The following HSD17B13 variants were observed in gnomAD, a reference collection of about 807,000 sequenced individuals.
HSD17B13 encodes the protein hydroxysteroid 17-beta dehydrogenase 13.
Under a neutral mutation model 31.1 loss-of-function variants are expected in HSD17B13, and 26 were observed. That is an observed-to-expected ratio of 0.84 (90% CI 0.61 to 1.16). HSD17B13 has a LOEUF of 1.16. Among genes scored for constraint, HSD17B13 ranks in the 50% most tolerant of loss-of-function variants. The pLI is 0.00. For missense variants in HSD17B13, 374 were observed against 366.5 expected, an observed-to-expected ratio of 1.02 and a Z score of -0.17; for synonymous variants, 141 against 133.7, an observed-to-expected ratio of 1.05 and a Z score of -0.38.
intron 4 of HSD17B13, among the ~76,000 whole-genome samples, chr4:87,314,400 A>G (rs1734601053): frequency 6.6e-6 from 1 of 151,930 alleles, no homozygotes; most frequent in Admixed American, 6.6e-5. Context: ...CTCTCTCTCA[A>G]TAACTGAGTT....
At chr4:87,315,334 G>T (rs1421314340) in intron 4 of HSD17B13, among the ~76,000 whole-genome samples, 159 bp downstream of exon 4, 1 of 152,186 alleles carries the variant, frequency 6.6e-6, no homozygotes, top group East Asian at 1.9e-4. Context: ...ATAAATCTCT[G>T]CTTTTGTTGC....
chr4:87,310,748 T>C (rs115775510), intron 5 of HSD17B13, among the ~76,000 whole-genome samples: 2 of 152,350 alleles, frequency 1.3e-5, no homozygotes, highest in Non-Finnish European at 2.9e-5. Flanking sequence ...TATAGCTAAG[T>C]ATACTTTCTT....
intron 5 of HSD17B13, 123 bp from the exon 6 acceptor site, chr4:87,310,482 A>G: frequency 8.7e-7 from 1 of 1,144,456 alleles, no homozygotes; most frequent in South Asian, 3.2e-5. Flanking sequence ...AAAATATTCC[A>G]GGATTTGCTG....
At chr4:87,308,550 A>G (rs1560746361) in intron 6 of HSD17B13, among the ~76,000 whole-genome samples, 1 of 133,160 alleles carries the variant, frequency 7.5e-6, no homozygotes, top group South Asian at 2.6e-4. Flanking sequence ...GCATGGTTGC[A>G]GGCGCCTGTA....
In HSD17B13 at chr4:87,310,133, C is replaced by T. The variant is rs555432570; in HGVS notation, c.812+110G>A. Reference sequence around the variant, plus strand: ...TGAGCCAAGATCATGCCACTGCAACCACCGCAATCCAGCCAGGGTGACAGA... The same window carrying T: ...TGAGCCAAGATCATGCCACTGCAACTACCGCAATCCAGCCAGGGTGACAGA... On this transcript the variant is annotated intron_variant, in intron 6 of 6. Coordinates refer to ENST00000328546, the MANE Select transcript of HSD17B13 (RefSeq NM_178135.5). 1.0e-5 allele frequency: 14 copies of T among 1,341,662 alleles called. No homozygotes were observed. In the South Asian group the frequency reaches 1.4e-4, roughly 13 times the overall value. The allele number at this position is 1,341,662 out of a possible 1,614,324, so 83.1% of individuals were successfully genotyped here.
intron 1 of HSD17B13, among the ~76,000 whole-genome samples, chr4:87,319,407 G>A (rs1734729951): frequency 6.6e-6 from 1 of 152,208 alleles, no homozygotes; most frequent in South Asian, 2.1e-4. Flanking sequence ...AAACCTTGAA[G>A]AACATTCTTG....
intron 5 of HSD17B13, among the ~76,000 whole-genome samples, chr4:87,312,344 C>T (rs1445993800): frequency 6.6e-6 from 1 of 152,120 alleles, no homozygotes; most frequent in Non-Finnish European, 1.5e-5. Context: ...GTCCCTGACT[C>T]TGTGACAATG....
intron 2 of HSD17B13, among the ~76,000 whole-genome samples, chr4:87,317,562 A>ATT (rs1560750190): frequency 1.6e-5 from 1 of 61,020 alleles, no homozygotes; most frequent in Non-Finnish European, 3.0e-5. Context: ...TTTTCTTTAA[A>ATT]CTTTTTTTTT....
chr4:87,321,326 C>T (rs1185117427), intron 1 of HSD17B13, among the ~76,000 whole-genome samples: 2 of 152,028 alleles, frequency 1.3e-5, no homozygotes, highest in Admixed American at 6.6e-5. Context: ...CCACTGCACC[C>T]GCCCTTAAGT....
Position 87,303,944 on chromosome 4 carries a change from C to T in HSD17B13, c.*1274G>A, listed in dbSNP as rs989837694. The stretch of plus-strand genomic sequence containing the variant: ...AGAGGATAGTCCATGCAAAAGCATT[C>T]TATAATACATGTGAAAAACACACAA... On this transcript the variant is annotated 3_prime_UTR_variant, in exon 7 of 7. Coordinates refer to ENST00000328546, the MANE Select transcript of HSD17B13 (RefSeq NM_178135.5). 2 of 151,498 alleles carry T rather than the reference C, an allele frequency of 1.3e-5. No individual in the cohort carries two copies. The highest frequency in any genetic ancestry group is 4.9e-5 in the African/African-American group (2 of 41,174). The allele number at this position is 151,498 out of a possible 1,614,324, so 9.4% of individuals were successfully genotyped here.
rs1287334969 is a variant in HSD17B13, at chr4:87,305,192, T to A, written c.*26A>T. On this transcript the variant is annotated 3_prime_UTR_variant, in exon 7 of 7. Coordinates refer to ENST00000328546, the MANE Select transcript of HSD17B13 (RefSeq NM_178135.5). ...AAACTATTCATATCATTATCATGCA[T>A]ACATCTCTGGCTGGAGCTTATTTAT... is the stretch of plus-strand genomic sequence containing the variant. 8 of 1,434,658 alleles carry A rather than the reference T, an allele frequency of 5.6e-6. No individual in the cohort carries two copies. The highest frequency in any genetic ancestry group is 6.8e-6 in the Non-Finnish European group (7 of 1,028,970). The allele number at this position is 1,434,658 out of a possible 1,614,324, so 88.9% of individuals were successfully genotyped here. A position where few individuals can be genotyped will look rare whatever the true frequency, so the allele number is the denominator to read the frequency against.
At chr4:87,312,520 T>C (rs1219787247) in intron 5 of HSD17B13, among the ~76,000 whole-genome samples, 1 of 9,618 alleles carries the variant, frequency 1.0e-4, no homozygotes, top group South Asian at 2.5e-3. Flanking sequence ...CTTTAATTCT[T>C]TTTTTTTTTT....
intron 6 of HSD17B13, among the ~76,000 whole-genome samples, chr4:87,307,593 A>G (rs1734420692): frequency 6.6e-6 from 1 of 152,082 alleles, no homozygotes; most frequent in East Asian, 1.9e-4. Context: ...GTTTACTGCA[A>G]TCTCCGCCTT....
chr4:87,315,670 T>G (rs957677214), intron 3 of HSD17B13, 71 bp from the exon 4 acceptor site: 5 of 912,866 alleles, frequency 5.5e-6, no homozygotes, highest in Non-Finnish European at 8.4e-6. Flanking sequence ...GTAGTTTTAT[T>G]TTTGTTAAGA....
chr4:87,310,799 C>T (rs753537650), intron 5 of HSD17B13, among the ~76,000 whole-genome samples: 4 of 152,078 alleles, frequency 2.6e-5, no homozygotes, highest in African/African-American at 4.8e-5. Context: ...GTTTTGAGGT[C>T]GTCATTTTGT....
chr4:87,319,623 AG>A (rs779459153), intron 1 of HSD17B13, among the ~76,000 whole-genome samples: 1 of 152,186 alleles, frequency 6.6e-6, no homozygotes, highest in Non-Finnish European at 1.5e-5. Context: ...TCCTCCTAGG[AG>A]GGAAGGGAAA....
At chr4:87,320,387 T>TTG (rs1290136731) in intron 1 of HSD17B13, among the ~76,000 whole-genome samples, 2 of 132,172 alleles carry the variant, frequency 1.5e-5, no homozygotes, top group Non-Finnish European at 3.1e-5. Flanking sequence ...CTTCAGTTTT[T>TTG]TTTTTTTTTT....
In HSD17B13 at chr4:87,305,183, T is replaced by G. The variant is rs1351829802; in HGVS notation, c.*35A>C. The G allele has an allele frequency of 7.7e-7, 1 of 1,306,200 alleles. No homozygotes were observed. The highest frequency in any genetic ancestry group is 1.1e-6 in the Non-Finnish European group (1 of 920,644). The allele number at this position is 1,306,200 out of a possible 1,614,324, so 80.9% of individuals were successfully genotyped here. A position where few individuals can be genotyped will look rare whatever the true frequency, so the allele number is the denominator to read the frequency against. ...ATTGATTCGAAACTATTCATATCAT[T>G]ATCATGCATACATCTCTGGCTGGAG... is the stretch of plus-strand genomic sequence containing the variant. On this transcript the variant is annotated 3_prime_UTR_variant, in exon 7 of 7. Coordinates refer to ENST00000328546, the MANE Select transcript of HSD17B13 (RefSeq NM_178135.5).
At chr4:87,316,389 T>A (rs143951439) in intron 3 of HSD17B13, among the ~76,000 whole-genome samples, 33 of 152,310 alleles carry the variant, frequency 2.2e-4, no homozygotes, top group African/African-American at 7.9e-4. Flanking sequence ...AATTCACATA[T>A]GTGAAGAGCT....
Sources: allele counts gnomAD v4.1 joint callset (sites outside exome capture counted in the v4.1 genomes callset), GRCh38; gene constraint gnomAD v4.1.1; transcripts MANE v1.5; gene names NCBI Gene and HGNC (gene_info 2026-07-23, HGNC 2026-07-21).